SCTR: variants seen among roughly 807,000 people sequenced by gnomAD.
SCTR encodes the protein secretin receptor.
Under a neutral mutation model 60.8 loss-of-function variants are expected in SCTR, and 56 were observed. That is an observed-to-expected ratio of 0.92 (90% CI 0.74 to 1.15). The LOEUF is 1.15. SCTR is among the 50% of genes most tolerant of loss of function. The pLI, the probability that SCTR is intolerant of heterozygous loss-of-function variation, is 0.00. For missense variants in SCTR, 562 were observed against 550.4 expected, an observed-to-expected ratio of 1.02 and a Z score of -0.21; for synonymous variants, 202 against 217.0, an observed-to-expected ratio of 0.93 and a Z score of 0.61.
chr2:119,468,072 C>T (rs1196456882), intron 4 of SCTR, among the ~76,000 whole-genome samples: 1 of 152,090 alleles, frequency 6.6e-6, no homozygotes, highest in Non-Finnish European at 1.5e-5. Context: ...CAATCTCATA[C>T]ATACAGAGAG....
intron 4 of SCTR, among the ~76,000 whole-genome samples, chr2:119,467,939 A>T (rs1683905755): frequency 6.6e-6 from 1 of 152,234 alleles, no homozygotes; most frequent in Non-Finnish European, 1.5e-5. Flanking sequence ...GAGAATTTTT[A>T]AAATAAATAA....
chr2:119,472,290 A>T (rs1005490493), intron 4 of SCTR, among the ~76,000 whole-genome samples: 8 of 152,214 alleles, frequency 5.3e-5, no homozygotes, highest in Non-Finnish European at 1.0e-4. Flanking sequence ...GCTGGCATGG[A>T]TGGGCCCGAG....
rs921520394 is a variant in SCTR at position 119,492,897 on chromosome 2, C to G, written c.193+1531G>C. ...TTATTTATTTTGAGACAGAGTCTCA[C>G]TCTGTCACCCAGGCTGGAGTGCAAT... On this transcript the variant is annotated intron_variant, in intron 2 of 12. Transcript: ENST00000019103. Among the ~76,000 whole-genome samples, 3 of 151,634 alleles carry G rather than the reference C, an allele frequency of 2.0e-5. No homozygotes were observed. In the East Asian group the frequency reaches 5.8e-4, roughly 29 times the overall value.
chr2:119,488,794 C>T (rs531984638), intron 2 of SCTR, among the ~76,000 whole-genome samples: 1 of 152,320 alleles, frequency 6.6e-6, no homozygotes, highest in Non-Finnish European at 1.5e-5. Context: ...ACTTATTCTC[C>T]ACAACAGCGT....
chr2:119,477,557 T>G (rs1407520434), intron 3 of SCTR, among the ~76,000 whole-genome samples: 1 of 152,272 alleles, frequency 6.6e-6, no homozygotes, highest in East Asian at 1.9e-4. Context: ...TTCAAGTGAT[T>G]CTCGTGCCTC....
At chr2:119,460,883 G>C (rs929748055) in intron 7 of SCTR, among the ~76,000 whole-genome samples, 1 of 152,164 alleles carries the variant, frequency 6.6e-6, no homozygotes, top group Non-Finnish European at 1.5e-5. Flanking sequence ...TCTGTGACTA[G>C]TTCAAGGGTG....
At chr2:119,511,014 G>A (rs1278676862) in intron 1 of SCTR, among the ~76,000 whole-genome samples, 12 of 151,852 alleles carry the variant, frequency 7.9e-5, no homozygotes, top group Admixed American at 1.3e-4. Context: ...TGGCTACCGC[G>A]GTGAAACCCC....
intron 4 of SCTR, among the ~76,000 whole-genome samples, chr2:119,470,624 G>A (rs1468534827): frequency 6.6e-6 from 1 of 152,116 alleles, no homozygotes; most frequent in African/African-American, 2.4e-5. Context: ...TTTAATCTTG[G>A]CATGAACGTT....
Position 119,471,231 on chromosome 2 carries a change from C to G in SCTR, c.405+2222G>C, listed in dbSNP as rs1404424764. ...TGCAGTACAAAGCCTTCTTATGAAC[C>G]TCATCCGGCCACCCATCATGATATT... On this transcript the variant is annotated intron_variant, in intron 4 of 12. Transcript: ENST00000019103. Among the ~76,000 whole-genome samples, 13 of 152,280 alleles carry G rather than the reference C, an allele frequency of 8.5e-5. No homozygotes were observed. The South Asian group carries it at 1.0e-3, about 12-fold the overall frequency.
At chr2:119,478,455 G>A (rs1677436827) in intron 3 of SCTR, among the ~76,000 whole-genome samples, 1 of 152,138 alleles carries the variant, frequency 6.6e-6, no homozygotes, top group Non-Finnish European at 1.5e-5. Flanking sequence ...CCACTACCAG[G>A]AGGGGTTCCA....
At chr2:119,485,136 C>G (rs1677810340) in intron 2 of SCTR, among the ~76,000 whole-genome samples, 1 of 152,234 alleles carries the variant, frequency 6.6e-6, no homozygotes, top group African/African-American at 2.4e-5. Context: ...CGTGGTGGTG[C>G]TACGTGAATC....
chr2:119,522,423 G>C (rs999642198), intron 1 of SCTR, among the ~76,000 whole-genome samples: 1 of 152,190 alleles, frequency 6.6e-6, no homozygotes, highest in South Asian at 2.1e-4. Context: ...TGTGGGGCGA[G>C]TAGAGCTGCT....
At chr2:119,512,993 T>G (rs1359206167) in intron 1 of SCTR, among the ~76,000 whole-genome samples, 10 of 152,224 alleles carry the variant, frequency 6.6e-5, no homozygotes, top group Non-Finnish European at 2.9e-5. Flanking sequence ...GATCTAAGCT[T>G]GAGACAGTAA....
rs193185426 is a variant in SCTR, at chr2:119,444,950, T to G, written c.1140+1809A>C. Reference sequence around the variant, plus strand: ...ACACATATATTCGTACGAATATATATACATATATTCGTACGAATATATATA... The same window carrying G: ...ACACATATATTCGTACGAATATATAGACATATATTCGTACGAATATATATA... On this transcript the variant is annotated intron_variant, in intron 11 of 12. Transcript: ENST00000019103. 1.8e-5 allele frequency among the ~76,000 whole-genome samples: 2 copies of G among 112,762 alleles called. 1 individual carries two copies. The highest frequency in any genetic ancestry group is 8.2e-5 in the African/African-American group (2 of 24,406). 74.0% of individuals were successfully genotyped at this position (112,762 alleles called of 152,430 possible).
rs569039591 is a variant in SCTR, at chr2:119,509,972, C to T, written c.72+14183G>A. On this transcript the variant is annotated intron_variant, in intron 1 of 12. Transcript: ENST00000019103. ...TTCAGGGTTAATCTATGTAGCAACA[C>T]GTATCAGAATTTCCTTTTTTTTTTT... Among the ~76,000 whole-genome samples the T allele has an allele frequency of 2.6e-5, 4 of 151,654 alleles. No individual in the cohort carries two copies. The Middle Eastern group carries it at 0.01, about 387-fold the overall frequency.
In SCTR at chr2:119,474,136, G is replaced by A. The variant is rs545038420; in HGVS notation, c.302-580C>T. Among the ~76,000 whole-genome samples the A allele has an allele frequency of 4.7e-4, 72 of 152,226 alleles. 1 individual carries two copies. Among genetic ancestry groups the A allele is most frequent in the Middle Eastern group, 3.4e-3 (1 of 294 alleles). On this transcript the variant is annotated intron_variant, in intron 3 of 12. Transcript: ENST00000019103. The stretch of plus-strand genomic sequence containing the variant: ...GATCGTGAGACCACCACAGTCCTCC[G>A]GCTCAGCTGCTCACTGCCCCCCACC...
At chr2:119,458,600 CAAAA>C (rs35957538) in intron 7 of SCTR, among the ~76,000 whole-genome samples, 4 of 134,624 alleles carry the variant, frequency 3.0e-5, no homozygotes, top group South Asian at 2.3e-4. Flanking sequence ...GACTCTCTCT[CAAAA>C]AAAAAAAAAA....
At chr2:119,506,340 A>G (rs536133037) in intron 1 of SCTR, among the ~76,000 whole-genome samples, 1 of 152,368 alleles carries the variant, frequency 6.6e-6, no homozygotes, top group East Asian at 1.9e-4. Context: ...AGAGCAAACT[A>G]TTGATATATG....
At chr2:119,520,455 C>T (rs2104961096) in intron 1 of SCTR, among the ~76,000 whole-genome samples, 1 of 152,322 alleles carries the variant, frequency 6.6e-6, no homozygotes, top group Middle Eastern at 3.4e-3. Flanking sequence ...GCCATAATCG[C>T]ACCATTGCAC....
Sources: allele counts gnomAD v4.1 joint callset (sites outside exome capture counted in the v4.1 genomes callset), GRCh38; gene constraint gnomAD v4.1.1; transcripts MANE v1.5; gene names NCBI Gene and HGNC (gene_info 2026-07-23, HGNC 2026-07-21).